GPX5: variants seen among roughly 807,000 people sequenced by gnomAD.
The protein encoded by GPX5 is epididymal secretory glutathione peroxidase.
A neutral mutation model predicts 23.8 loss-of-function variants in GPX5; 20 were observed. That is an observed-to-expected ratio of 0.84 (90% CI 0.59 to 1.22). The LOEUF (loss-of-function observed/expected upper bound fraction) is 1.22, where lower values mean the gene tolerates loss of function less well. Among genes scored for constraint, GPX5 ranks in the 50% most tolerant of loss-of-function variants. The probability of loss-of-function intolerance (pLI) is 0.00; values close to 1 mark genes in which losing one functional copy is unlikely to be tolerated. For synonymous variants in GPX5, 92 were observed against 99.5 expected, an observed-to-expected ratio of 0.92 and a Z score of 0.45; for missense variants, 230 against 266.6, an observed-to-expected ratio of 0.86 and a Z score of 0.96.
chr6:28,531,733 G>A (rs747683696), intron 2 of GPX5, 45 bp from the exon 3 acceptor site: 4 of 1,283,246 alleles, frequency 3.1e-6, no homozygotes, highest in Non-Finnish European at 4.5e-6. Context: ...CTTGCACAAG[G>A]CAGAACCTCT....
At chr6:28,531,385 AAAAAAAAAGAAAAGAAAAG>A (rs1337919437) in intron 2 of GPX5, among the ~76,000 whole-genome samples, 1,527 of 132,360 alleles carry the variant, frequency 0.012, 66 homozygotes, top group African/African-American at 0.031. Flanking sequence ...AAAAAAAAAA[AAAAAAAAAGAAAAGAAAAG>A]AAAAGAAAAG....
chr6:28,531,678 C>G, intron 2 of GPX5, 100 bp from the exon 3 acceptor site: 1 of 747,032 alleles, frequency 1.3e-6, no homozygotes, highest in South Asian at 1.7e-5. Context: ...CCTCCCTGGG[C>G]CTCTGTTTCC....
chr6:28,531,389 A>AAAAAAG (rs1763315872), intron 2 of GPX5, among the ~76,000 whole-genome samples: 7 of 69,572 alleles, frequency 1.0e-4, no homozygotes, highest in African/African-American at 2.7e-4. Flanking sequence ...AAAAAAAAAA[A>AAAAAAG]AAAAGAAAAG....
Position 28,525,907 on chromosome 6 carries a change from T to C in GPX5, c.-107T>C, listed in dbSNP as rs1216038173. 2 of 802,890 alleles carry C rather than the reference T, an allele frequency of 2.5e-6. No individual in the cohort carries two copies. The highest frequency in any genetic ancestry group is 4.3e-6 in the Non-Finnish European group (2 of 460,648). 49.7% of individuals were successfully genotyped at this position (802,890 alleles called of 1,614,324 possible). A position where few individuals can be genotyped will look rare whatever the true frequency, so the allele number is the denominator to read the frequency against. ...TGCGTCGGGAATCCTTGCAGCCCTG[T>C]GACTGGCCTGTGGGGGCTTGGGCTA... On this transcript the variant is annotated 5_prime_UTR_variant, in exon 1 of 5. Coordinates refer to ENST00000412168, the MANE Select transcript of GPX5 (RefSeq NM_001509.3).
At chr6:28,527,772 C>A (rs1352055614) in intron 1 of GPX5, 1 of 152,210 alleles carries the variant, frequency 6.6e-6, no homozygotes, top group Non-Finnish European at 1.5e-5. Context: ...CAATTTGTGG[C>A]AGCTTCCCCA....
At chr6:28,526,246 C>G (rs927857197) in intron 1 of GPX5, 146 bp downstream of exon 1, 3 of 656,410 alleles carry the variant, frequency 4.6e-6, no homozygotes, top group Non-Finnish European at 8.2e-6. Context: ...CTCCTTGAAT[C>G]TTCTTCATTC....
Position 28,534,279 on chromosome 6 carries a change from G to T in GPX5, c.*112G>T. The T allele has an allele frequency of 1.5e-6, 1 of 655,868 alleles. No homozygotes were observed. The highest frequency in any genetic ancestry group is 3.1e-5 in the East Asian group (1 of 32,652). The allele number at this position is 655,868 out of a possible 1,614,324, so 40.6% of individuals were successfully genotyped here. A position where few individuals can be genotyped will look rare whatever the true frequency, so the allele number is the denominator to read the frequency against. Reference sequence around the variant, plus strand: ...TTCTCACCACACTCTCTTCCTGCATGGGCTCCACCTGAGTAAATCACCGCC... The same window carrying T: ...TTCTCACCACACTCTCTTCCTGCATTGGCTCCACCTGAGTAAATCACCGCC... On this transcript the variant is annotated 3_prime_UTR_variant, in exon 5 of 5. Coordinates refer to ENST00000412168, the MANE Select transcript of GPX5 (RefSeq NM_001509.3).
intron 1 of GPX5, among the ~76,000 whole-genome samples, chr6:28,526,668 C>T (rs1388496686): frequency 2.6e-5 from 4 of 152,092 alleles, no homozygotes; most frequent in African/African-American, 4.8e-5. Flanking sequence ...ATTCATGGCT[C>T]GTTACCTTAT....
rs919301908 is a variant in GPX5 at position 28,534,584 on chromosome 6, G to A, written c.*417G>A. The A allele has an allele frequency of 2.4e-4, 39 of 162,946 alleles. No homozygotes were observed. Among genetic ancestry groups the A allele is most frequent in the African/African-American group, 8.6e-4 (36 of 41,916 alleles). 10.1% of individuals were successfully genotyped at this position (162,946 alleles called of 1,614,324 possible). On this transcript the variant is annotated 3_prime_UTR_variant, in exon 5 of 5. Coordinates refer to ENST00000412168, the MANE Select transcript of GPX5 (RefSeq NM_001509.3). ...GTGTAGAAATAGCAATGGGGTCACA[G>A]TCACACAATTTAGGTTCCACTTCAT...
chr6:28,526,410 C>T (rs1309193163), intron 1 of GPX5, among the ~76,000 whole-genome samples: 1 of 152,102 alleles, frequency 6.6e-6, no homozygotes, highest in African/African-American at 2.4e-5. Context: ...GGGTCTGAGG[C>T]TGGGACAGCG....
Position 28,534,184 on chromosome 6 carries a change from G to A in GPX5, c.*17G>A. 6.5e-7 allele frequency: 1 copy of A among 1,540,158 alleles called. No homozygotes were observed. The highest frequency in any genetic ancestry group is 8.8e-7 in the Non-Finnish European group (1 of 1,142,626). ...ACCAAATAGGAAGGTGGAGTTAAGGGCAGGAGCAACCCTACTTCTCACCTA... is the reference window on the plus strand; with the variant it reads ...ACCAAATAGGAAGGTGGAGTTAAGGACAGGAGCAACCCTACTTCTCACCTA... On this transcript the variant is annotated 3_prime_UTR_variant, in exon 5 of 5. Transcript: ENST00000412168.
intron 1 of GPX5, 47 bp from the exon 2 acceptor site, chr6:28,529,404 C>G: frequency 6.9e-7 from 1 of 1,459,362 alleles, no homozygotes. Context: ...TACACAGATG[C>G]CAGGAATTAT....
intron 4 of GPX5, 24 bp from the exon 5 acceptor site, chr6:28,533,937 C>G (rs28382609): frequency 2.1e-6 from 3 of 1,433,738 alleles, no homozygotes; most frequent in Non-Finnish European, 2.8e-6. Context: ...AACATTGTTT[C>G]TCTTTTCCAT....
intron 4 of GPX5, among the ~76,000 whole-genome samples, chr6:28,533,614 T>C (rs1299460511): frequency 6.6e-6 from 1 of 152,206 alleles, no homozygotes; most frequent in Non-Finnish European, 1.5e-5. Flanking sequence ...GAAATATTAG[T>C]GGCCCATGGA....
At chr6:28,531,719 C>A in intron 2 of GPX5, 59 bp from the exon 3 acceptor site, 3 of 1,110,312 alleles carry the variant, frequency 2.7e-6, no homozygotes, top group Non-Finnish European at 4.0e-6. Context: ...CCCAGGGAAT[C>A]ATCCTTGCAC....
chr6:28,529,590 C>A lies in GPX5; in HGVS notation c.227C>A (p.Thr76Lys). 3 of 1,609,834 alleles carry A rather than the reference C, an allele frequency of 1.9e-6. No individual in the cohort carries two copies. Among genetic ancestry groups the A allele is most frequent in the Non-Finnish European group, 2.5e-6 (3 of 1,177,260 alleles). ...FVNVATYCGL[T>K]AQYPELNALQ... ...AACGTGGCCACCTACTGTGGTCTGACAGCGCAATATCCTGGTAAGAGAATT... is the reference window on the plus strand; with the variant it reads ...AACGTGGCCACCTACTGTGGTCTGAAAGCGCAATATCCTGGTAAGAGAATT... The change falls in exon 2 of 5, where the codon ACA (threonine) becomes AAA (lysine). Residue 76 changes from threonine (T) to lysine (K), a missense_variant. By Grantham distance (78) the Thr-to-Lys change is moderately conservative. Transcript: ENST00000412168.
In GPX5 at chr6:28,533,965, C is replaced by T. The variant is rs1223587810; in HGVS notation, c.464C>T (p.Ser155Phe). 10 of 1,576,310 alleles carry T rather than the reference C, an allele frequency of 6.3e-6. No individual in the cohort carries two copies. The highest frequency in any genetic ancestry group is 1.4e-5 in the African/African-American group (1 of 73,762). ...TTTTCCATCTCTCTGGTTTAGCACT[C>T]CTGTCCTCATCCCTCTGAGATTTTG... Reference protein sequence around the residue: ...EQKVFSFLKHSCPHPSEILGT... With the variant: ...EQKVFSFLKHFCPHPSEILGT... Residue 155 changes from serine (S) to phenylalanine (F), a missense_variant, in exon 5 of 5, where the codon TCC becomes TTC. Coordinates refer to ENST00000412168, the MANE Select transcript of GPX5 (RefSeq NM_001509.3).
chr6:28,525,968 G>C lies in GPX5; in HGVS notation c.-46G>C, dbSNP rs757725082. The C allele has an allele frequency of 2.4e-5, 33 of 1,396,084 alleles. No homozygotes were observed. The highest frequency in any genetic ancestry group is 3.2e-5 in the Non-Finnish European group (31 of 982,864). The allele number at this position is 1,396,084 out of a possible 1,614,324, so 86.5% of individuals were successfully genotyped here. ...AAGATACCAAAAGACTGCAGAGGTGGGCAAAGACCTCAGGCCCCCAGACTA... is the reference window on the plus strand; with the variant it reads ...AAGATACCAAAAGACTGCAGAGGTGCGCAAAGACCTCAGGCCCCCAGACTA... On this transcript the variant is annotated 5_prime_UTR_variant, in exon 1 of 5. Transcript: ENST00000412168.
chr6:28,529,568 G>C lies in GPX5; in HGVS notation c.205G>C (p.Val69Leu). Residue 69 changes from valine to leucine, a missense_variant, in exon 2 of 5, where the codon GTG becomes CTG. Transcript: ENST00000412168. The part of the protein sequence containing the change: ...YVGKHILFVN[V>L]ATYCGLTAQY... ...GGGCAAGCACATCCTCTTCGTCAAC[G>C]TGGCCACCTACTGTGGTCTGACAGC... 1 of 1,611,994 alleles carries C rather than the reference G, an allele frequency of 6.2e-7. No homozygotes were observed.
Sources: allele counts gnomAD v4.1 joint callset (sites outside exome capture counted in the v4.1 genomes callset), GRCh38; gene constraint gnomAD v4.1.1; transcripts MANE v1.5; gene names NCBI Gene and HGNC (gene_info 2026-07-23, HGNC 2026-07-21).